KREMEN1: variants seen among roughly 807,000 people sequenced by gnomAD.
KREMEN1 encodes the protein kremen protein 1.
A neutral mutation model predicts 46.5 loss-of-function variants in KREMEN1; 30 were observed. That is an observed-to-expected ratio of 0.65 (90% confidence interval 0.48 to 0.88). The LOEUF (loss-of-function observed/expected upper bound fraction) is 0.88. Among genes scored for constraint, KREMEN1 ranks in the 40% least tolerant of loss-of-function variants. KREMEN1 has a pLI of 0.00. For synonymous variants in KREMEN1, 214 were observed against 230.6 expected, an observed-to-expected ratio of 0.93 and a Z score of 0.65; for missense variants, 533 against 596.9, an observed-to-expected ratio of 0.89 and a Z score of 1.11.
Position 29,143,831 on chromosome 22 carries a change from G to A in KREMEN1, c.*1719G>A, listed in dbSNP as rs1352489333. 5 of 985,374 alleles carry A rather than the reference G, an allele frequency of 5.1e-6. No homozygotes were observed. The highest frequency in any genetic ancestry group is 4.8e-6 in the Non-Finnish European group (4 of 830,044). 61.0% of individuals were successfully genotyped at this position (985,374 alleles called of 1,614,324 possible). ...GGTTAGGAATGGCTCAGTGGGGAAG[G>A]AGAGCACTCTTGTCCCCAGTCCCTT... On this transcript the variant is annotated 3_prime_UTR_variant, in exon 9 of 9. Transcript: ENST00000400335.
intron 5 of KREMEN1, among the ~76,000 whole-genome samples, chr22:29,132,955 C>G (rs2038585825): frequency 6.6e-6 from 1 of 152,106 alleles, no homozygotes; most frequent in South Asian, 2.1e-4. Flanking sequence ...AAGATTTTAT[C>G]TTTGGTTTTG....
rs540546839 is a variant in KREMEN1, at chr22:29,164,760, A to C, written c.1417-2284A>C. Among the ~76,000 whole-genome samples, 209 of 150,262 alleles carry C rather than the reference A, an allele frequency of 1.4e-3. 5 individuals carry two copies. The highest frequency in any genetic ancestry group is 4.7e-3 in the African/African-American group (192 of 40,892). ...AAACTCCATCTCAAAAAAAAAACAA[A>C]AAAAAAAACCCAAAACAAGGAACTA... is the stretch of plus-strand genomic sequence containing the variant. On this transcript the variant is annotated intron_variant, in intron 9 of 9. Transcript: ENST00000327813.
exon 10 of KREMEN1, chr22:29,167,213 G>T: frequency 1.1e-6 from 1 of 940,762 alleles, no homozygotes; most frequent in South Asian, 1.4e-5. Context: ...GCTCTCTCTG[G>T]CCCAGCGTGG....
intron 3 of KREMEN1, among the ~76,000 whole-genome samples, chr22:29,116,941 A>G (rs745549027): frequency 6.6e-6 from 1 of 152,186 alleles, no homozygotes. Flanking sequence ...ATTTGCTACT[A>G]TAGAGATTTA....
chr22:29,127,682 C>T (rs1481052073), intron 5 of KREMEN1, among the ~76,000 whole-genome samples: 5 of 152,072 alleles, frequency 3.3e-5, no homozygotes, highest in Non-Finnish European at 7.4e-5. Flanking sequence ...TCTGGCATTT[C>T]CTCAAAACGT....
intron 5 of KREMEN1, among the ~76,000 whole-genome samples, chr22:29,133,660 GTTTGTTTTTTTTGCT>G (rs2038606010): frequency 1.3e-5 from 2 of 150,686 alleles, no homozygotes; most frequent in African/African-American, 2.4e-5. Context: ...GTTTTTTTTT[GTTTGTTTTTTTTGCT>G]TTTGTTTTTG....
At chr22:29,122,504 T>C (rs2038371544) in intron 4 of KREMEN1, among the ~76,000 whole-genome samples, 1 of 152,232 alleles carries the variant, frequency 6.6e-6, no homozygotes, top group Admixed American at 6.5e-5. Context: ...TCAAGACTTA[T>C]ATATGAATGT....
At chr22:29,127,638 G>A (rs2038467198) in intron 5 of KREMEN1, among the ~76,000 whole-genome samples, 1 of 151,970 alleles carries the variant, frequency 6.6e-6, no homozygotes, top group Non-Finnish European at 1.5e-5. Context: ...TGGCGACAGA[G>A]CGAGACTCCA....
chr22:29,166,847 C>A (rs900763968), intron 9 of KREMEN1, among the ~76,000 whole-genome samples: 2 of 152,152 alleles, frequency 1.3e-5, no homozygotes, highest in Admixed American at 6.6e-5. Context: ...GCAGGAAGAT[C>A]GCTGGAGTCC....
intron 9 of KREMEN1, among the ~76,000 whole-genome samples, chr22:29,152,918 AG>A (rs1192058508): frequency 6.6e-6 from 1 of 152,228 alleles, no homozygotes; most frequent in Non-Finnish European, 1.5e-5. Flanking sequence ...GCTACTCCAT[AG>A]GGAGAGCAGC....
intron 2 of KREMEN1, among the ~76,000 whole-genome samples, 168 bp from the exon 3 acceptor site, chr22:29,098,694 G>A (rs2037923222): frequency 2.0e-5 from 3 of 152,006 alleles, no homozygotes; most frequent in Admixed American, 1.3e-4. Flanking sequence ...GTTTGTTCTT[G>A]TAATATTACC....
chr22:29,157,342 T>C (rs2038972092), intron 9 of KREMEN1, among the ~76,000 whole-genome samples: 3 of 152,030 alleles, frequency 2.0e-5, no homozygotes, highest in Non-Finnish European at 2.9e-5. Flanking sequence ...GACTTTGTTT[T>C]TCGTTGTGGT....
intron 2 of KREMEN1, 92 bp downstream of exon 2, chr22:29,094,512 G>A (rs2037850416): frequency 3.5e-6 from 4 of 1,129,664 alleles, no homozygotes; most frequent in Non-Finnish European, 2.5e-6. Context: ...ACTAGGGGAA[G>A]TCTTTTGACC....
chr22:29,112,984 C>T lies in KREMEN1; in HGVS notation c.353-8373C>T, dbSNP rs183902310. Reference sequence around the variant, plus strand: ...CCCCCTCAGAGGCTGACTGGGACCGCAGAGGCTTCCCTCGTGGTGAACAGA... The same window carrying T: ...CCCCCTCAGAGGCTGACTGGGACCGTAGAGGCTTCCCTCGTGGTGAACAGA... On this transcript the variant is annotated intron_variant, in intron 3 of 8. Transcript: ENST00000400335. Among the ~76,000 whole-genome samples, 517 of 152,316 alleles carry T rather than the reference C, an allele frequency of 3.4e-3. 1 individual carries two copies. The highest frequency in any genetic ancestry group is 0.017 in the Middle Eastern group (5 of 294).
chr22:29,120,464 C>CAGGGAGGAGGGAGAG (rs1569326011), intron 3 of KREMEN1, among the ~76,000 whole-genome samples: 3 of 34,266 alleles, frequency 8.8e-5, no homozygotes, highest in East Asian at 1.3e-3. Flanking sequence ...AGGAGGGAGA[C>CAGGGAGGAGGGAGAG]GTGATGATGG....
chr22:29,109,739 A>G (rs1292845383), intron 3 of KREMEN1, among the ~76,000 whole-genome samples: 2 of 152,222 alleles, frequency 1.3e-5, no homozygotes, highest in African/African-American at 2.4e-5. Context: ...GATCAAAGGA[A>G]GAAAGTTTGG....
At chr22:29,163,800 A>C (rs1221572819) in intron 9 of KREMEN1, among the ~76,000 whole-genome samples, 4 of 152,216 alleles carry the variant, frequency 2.6e-5, no homozygotes, top group African/African-American at 9.7e-5. Flanking sequence ...AAGGGTTGAA[A>C]AAACTAACTC....
intron 9 of KREMEN1, among the ~76,000 whole-genome samples, chr22:29,157,992 A>C (rs1384098656): frequency 6.6e-6 from 1 of 152,232 alleles, no homozygotes; most frequent in Non-Finnish European, 1.5e-5. Flanking sequence ...TGCAAAGGCC[A>C]CTGGGAAATG....
At chr22:29,157,280 A>G (rs905757447) in intron 9 of KREMEN1, among the ~76,000 whole-genome samples, 3 of 152,092 alleles carry the variant, frequency 2.0e-5, no homozygotes, top group East Asian at 1.9e-4. Flanking sequence ...CCTTCTTTCC[A>G]GTGGGGGAGC....
Sources: allele counts gnomAD v4.1 joint callset (sites outside exome capture counted in the v4.1 genomes callset), GRCh38; gene constraint gnomAD v4.1.1; transcripts MANE v1.5; gene names NCBI Gene and HGNC (gene_info 2026-07-23, HGNC 2026-07-21).